The following SNX30 variants were observed in gnomAD, a reference collection of about 807,000 sequenced individuals.
The protein encoded by SNX30 is sorting nexin-30.
A neutral mutation model predicts 46.4 loss-of-function variants in SNX30; 24 were observed. The observed-to-expected ratio is 0.52, with a 90% CI of 0.37 to 0.73. The LOEUF (loss-of-function observed/expected upper bound fraction) is 0.73. Among genes scored for constraint, SNX30 ranks in the 30% least tolerant of loss-of-function variants. The pLI is 0.00. For missense variants in SNX30, 533 were observed against 555.7 expected (o/e 0.96, Z 0.41); for synonymous variants, 189 against 211.5 (o/e 0.89, Z 0.92).
intron 4 of SNX30, 102 bp downstream of exon 4, chr9:112,830,985 A>T: frequency 1.6e-6 from 2 of 1,241,974 alleles, no homozygotes; most frequent in Non-Finnish European, 2.2e-6. Context: ...AAAACTTTTA[A>T]CAAATAGCCG....
At chr9:112,770,900 G>A in intron 1 of SNX30, among the ~76,000 whole-genome samples, 1 of 152,196 alleles carries the variant, frequency 6.6e-6, no homozygotes, top group African/African-American at 2.4e-5. Context: ...GGAGGCTGAG[G>A]CAGGAGAATC....
At chr9:112,771,438 A>C (rs528242835) in intron 1 of SNX30, among the ~76,000 whole-genome samples, 16 of 152,368 alleles carry the variant, frequency 1.1e-4, no homozygotes, top group African/African-American at 3.8e-4. Flanking sequence ...ACAATGGAAA[A>C]AAACGTTAAG....
chr9:112,817,628 T>C (rs2131421747), intron 2 of SNX30, 77 bp from the exon 3 acceptor site: 2 of 849,894 alleles, frequency 2.4e-6, no homozygotes, highest in African/African-American at 1.6e-5. Context: ...TTGGTTATTC[T>C]AAGAGCTTTT....
intron 1 of SNX30, among the ~76,000 whole-genome samples, chr9:112,775,390 G>A (rs1356538003): frequency 6.6e-6 from 1 of 150,742 alleles, no homozygotes; most frequent in Non-Finnish European, 1.5e-5. Context: ...CCCGACCTCA[G>A]GCCCACCTTG....
intron 1 of SNX30, among the ~76,000 whole-genome samples, chr9:112,759,426 C>A (rs969157310): frequency 6.6e-6 from 1 of 152,166 alleles, no homozygotes; most frequent in East Asian, 1.9e-4. Context: ...CCCTCCACTT[C>A]CTGTTTTAAG....
At chr9:112,764,505 T>C (rs895564893) in intron 1 of SNX30, among the ~76,000 whole-genome samples, 8 of 152,140 alleles carry the variant, frequency 5.3e-5, no homozygotes, top group African/African-American at 1.9e-4. Context: ...GCCTACTGAG[T>C]AGCTTGGACT....
At chr9:112,782,535 A>AT (rs1010666485) in intron 1 of SNX30, among the ~76,000 whole-genome samples, 2 of 152,154 alleles carry the variant, frequency 1.3e-5, no homozygotes, top group African/African-American at 2.4e-5. Context: ...TGTAGTACTC[A>AT]TTTTTTTAAC....
chr9:112,763,402 GTA>G (rs1280868781), intron 1 of SNX30, among the ~76,000 whole-genome samples: 66 of 107,834 alleles, frequency 6.1e-4, no homozygotes, highest in African/African-American at 2.4e-3. Context: ...GTGTGTGTGT[GTA>G]GAGAGAGGCG....
intron 1 of SNX30, among the ~76,000 whole-genome samples, chr9:112,752,223 A>G (rs1414830037): frequency 1.3e-5 from 2 of 152,216 alleles, no homozygotes; most frequent in African/African-American, 2.4e-5. Flanking sequence ...GTCACTGAGC[A>G]CTTAAAATCA....
At chr9:112,797,491 A>G (rs1457321899) in intron 1 of SNX30, among the ~76,000 whole-genome samples, 2 of 152,080 alleles carry the variant, frequency 1.3e-5, no homozygotes, top group African/African-American at 4.8e-5. Context: ...ATTTTATTTT[A>G]TTCATAAATA....
At chr9:112,763,178 AT>A (rs1224648286) in intron 1 of SNX30, among the ~76,000 whole-genome samples, 1 of 149,804 alleles carries the variant, frequency 6.7e-6, no homozygotes, top group Admixed American at 6.7e-5. Flanking sequence ...GTATATATAT[AT>A]TTTTTAGAGA....
chr9:112,883,701 T>TTC (rs1841611352), downstream of SNX30, among the ~76,000 whole-genome samples: 1 of 3,700 alleles, frequency 2.7e-4, no homozygotes, highest in African/African-American at 1.1e-3. Context: ...TTTTCTTTTC[T>TTC]TTTTTTTTTT....
intron 1 of SNX30, among the ~76,000 whole-genome samples, chr9:112,763,573 G>A (rs10115003): frequency 0.056 from 8,547 of 151,464 alleles, 572 homozygotes; most frequent in African/African-American, 0.16. Flanking sequence ...GTGACAGGCC[G>A]GGCGCCGTGG....
At chr9:112,772,537 C>T (rs1839669104) in intron 1 of SNX30, among the ~76,000 whole-genome samples, 1 of 152,090 alleles carries the variant, frequency 6.6e-6, no homozygotes, top group Non-Finnish European at 1.5e-5. Context: ...AGGCGTGTCT[C>T]CCCTGCCATG....
chr9:112,832,163 C>T (rs1282082115), intron 4 of SNX30, among the ~76,000 whole-genome samples: 1 of 151,860 alleles, frequency 6.6e-6, no homozygotes, highest in Non-Finnish European at 1.5e-5. Context: ...ATCTCTTTTT[C>T]CCAGAGGCTT....
At chr9:112,796,113 A>C (rs1207846874) in intron 1 of SNX30, among the ~76,000 whole-genome samples, 2 of 152,168 alleles carry the variant, frequency 1.3e-5, no homozygotes, top group South Asian at 4.1e-4. Context: ...AGGAGGTGGT[A>C]AGAAAGGAGG....
At chr9:112,827,508 CAA>C (rs1259445809) in intron 3 of SNX30, among the ~76,000 whole-genome samples, 2 of 152,142 alleles carry the variant, frequency 1.3e-5, no homozygotes, top group East Asian at 3.8e-4. Context: ...CCTCATACTC[CAA>C]ATACTTCTTT....
chr9:112,865,809 A>T, intron 8 of SNX30, among the ~76,000 whole-genome samples: 1 of 149,720 alleles, frequency 6.7e-6, no homozygotes, highest in Admixed American at 6.6e-5. Context: ...AGGGTCAAAA[A>T]CTCTGTTACC....
intron 1 of SNX30, among the ~76,000 whole-genome samples, chr9:112,783,172 G>A (rs1316396803): frequency 6.6e-6 from 1 of 152,214 alleles, no homozygotes; most frequent in African/African-American, 2.4e-5. Context: ...TTTCTTGTCC[G>A]GTAGGTAACT....
Sources: allele counts gnomAD v4.1 joint callset (sites outside exome capture counted in the v4.1 genomes callset), GRCh38; gene constraint gnomAD v4.1.1; transcripts MANE v1.5; gene names NCBI Gene and HGNC (gene_info 2026-07-23, HGNC 2026-07-21).